The following DLGAP2 variants were observed in gnomAD, a reference collection of about 807,000 sequenced individuals.
DLGAP2 encodes disks large-associated protein 2.
A neutral mutation model predicts 100.3 loss-of-function variants in DLGAP2; 26 were observed. The observed-to-expected ratio is 0.26, with a 90% CI of 0.19 to 0.36. The LOEUF is 0.36. Ranked by LOEUF, DLGAP2 falls within the 10% of genes least tolerant of loss-of-function variation. The pLI is 1.00. For synonymous variants in DLGAP2, 886 were observed against 630.1 expected (o/e 1.41, Z -6.08); for missense variants, 1,858 against 1,453.2 (o/e 1.28, Z -4.53).
intron 2 of DLGAP2, among the ~76,000 whole-genome samples, chr8:1,199,997 G>T (rs537923970): frequency 1.6e-4 from 24 of 151,776 alleles, no homozygotes; most frequent in African/African-American, 5.8e-4. Context: ...TGCATCCCCG[G>T]GGGTCCCATC....
chr8:1,639,234 C>A (rs1456084613), intron 8 of DLGAP2, among the ~76,000 whole-genome samples: 5 of 152,168 alleles, frequency 3.3e-5, no homozygotes, highest in African/African-American at 1.2e-4. Context: ...GAGACCAGAG[C>A]CCACAGCGTC....
rs187525889 is a variant in DLGAP2, at chr8:1,467,116, A to G, written c.107-34250A>G. ...GTCCCAGATCCAGCCAGAGGGAGGG[A>G]GGGTCCGGCAGGGGCCTGGGAGGGT... On this transcript the variant is annotated intron_variant, in intron 3 of 14. Transcript: ENST00000637795. Among the ~76,000 whole-genome samples, 589 of 151,438 alleles carry G rather than the reference A, an allele frequency of 3.9e-3. 3 individuals are homozygous for G. The highest frequency in any genetic ancestry group is 0.014 in the Middle Eastern group (4 of 292).
intron 2 of DLGAP2, among the ~76,000 whole-genome samples, chr8:1,157,235 C>T (rs751593348): frequency 2.0e-5 from 3 of 152,072 alleles, no homozygotes; most frequent in Non-Finnish European, 2.9e-5. Context: ...GGAGCATTCA[C>T]GCGATTCCCC....
intron 3 of DLGAP2, among the ~76,000 whole-genome samples, chr8:1,328,787 G>A (rs750755442): frequency 1.4e-4 from 22 of 152,358 alleles, no homozygotes; most frequent in Admixed American, 2.6e-4. Context: ...ATGTCGGGAT[G>A]CCGCTTACGT....
At chr8:1,510,304 T>C (rs1449546513) in intron 4 of DLGAP2, among the ~76,000 whole-genome samples, 1 of 152,162 alleles carries the variant, frequency 6.6e-6, no homozygotes, top group African/African-American at 2.4e-5. Context: ...TCCAGGCTCA[T>C]AGGAAGTGAA....
chr8:1,008,264 A>G (rs1405284004), intron 2 of DLGAP2, among the ~76,000 whole-genome samples: 2 of 152,196 alleles, frequency 1.3e-5, no homozygotes, highest in Admixed American at 6.5e-5. Context: ...CCATTTGAAA[A>G]CTGGCTTGCC....
chr8:797,590 A>T (rs1385288155), intron 1 of DLGAP2, among the ~76,000 whole-genome samples: 1 of 152,060 alleles, frequency 6.6e-6, no homozygotes, highest in East Asian at 1.9e-4. Context: ...CTGGCCATAG[A>T]TGTCAATGTG....
intron 1 of DLGAP2, among the ~76,000 whole-genome samples, chr8:878,932 T>G (rs1427643454): frequency 6.6e-6 from 1 of 152,198 alleles, no homozygotes; most frequent in Non-Finnish European, 1.5e-5. Flanking sequence ...CCTCAGATAC[T>G]GTGTTATAGC....
chr8:778,411 G>A (rs1391282893), intron 1 of DLGAP2, among the ~76,000 whole-genome samples: 2 of 152,224 alleles, frequency 1.3e-5, no homozygotes, highest in Non-Finnish European at 1.5e-5. Flanking sequence ...CGTTGGAGGA[G>A]GAGAGGCGCT....
chr8:943,690 G>C (rs963444320), intron 2 of DLGAP2, among the ~76,000 whole-genome samples: 2 of 151,754 alleles, frequency 1.3e-5, no homozygotes, highest in Non-Finnish European at 1.5e-5. Flanking sequence ...AGATCATGTG[G>C]AGGATCTGGC....
chr8:1,548,486 C>G (rs1367244226), intron 4 of DLGAP2, 140 bp from the exon 5 acceptor site: 1 of 295,798 alleles, frequency 3.4e-6, no homozygotes, highest in Non-Finnish European at 5.9e-6. Context: ...AAAAAAAAAC[C>G]CACAAATCTG....
At chr8:1,235,123 CGTGTCTGCTTCCCT>C (rs1798618933) in intron 2 of DLGAP2, among the ~76,000 whole-genome samples, 2 of 30,682 alleles carry the variant, frequency 6.5e-5, no homozygotes, top group South Asian at 1.1e-3. Flanking sequence ...CACATGGCGT[CGTGTCTGCTTCCCT>C]CACACGTGGC....
chr8:1,061,755 G>A (rs1803090338), intron 2 of DLGAP2, among the ~76,000 whole-genome samples: 1 of 152,000 alleles, frequency 6.6e-6, no homozygotes, highest in Non-Finnish European at 1.5e-5. Flanking sequence ...CCCCGGTGAG[G>A]ACTTTCTCGG....
intron 2 of DLGAP2, among the ~76,000 whole-genome samples, chr8:1,078,784 C>G (rs1037793264): frequency 6.6e-6 from 1 of 152,138 alleles, no homozygotes; most frequent in East Asian, 1.9e-4. Context: ...TCTGAATGTA[C>G]CATAGTTTAT....
intron 8 of DLGAP2, among the ~76,000 whole-genome samples, chr8:1,652,054 G>GT (rs943512173): frequency 6.6e-6 from 1 of 152,230 alleles, no homozygotes; most frequent in Admixed American, 6.5e-5. Flanking sequence ...AATTAAGTTG[G>GT]TTTTTTTCTG....
At chr8:1,346,198 T>G (rs1563096206) in intron 3 of DLGAP2, among the ~76,000 whole-genome samples, 1 of 152,356 alleles carries the variant, frequency 6.6e-6, no homozygotes, top group East Asian at 1.9e-4. Flanking sequence ...AGAGCTGCAT[T>G]GCACTCACGG....
At chr8:797,482 A>T (rs917218103) in intron 1 of DLGAP2, among the ~76,000 whole-genome samples, 1 of 152,072 alleles carries the variant, frequency 6.6e-6, no homozygotes, top group Non-Finnish European at 1.5e-5. Flanking sequence ...TGGGAATTTG[A>T]GGCTGTTGTG....
intron 2 of DLGAP2, among the ~76,000 whole-genome samples, chr8:1,152,506 A>G (rs1370121411): frequency 6.6e-6 from 1 of 152,238 alleles, no homozygotes; most frequent in Non-Finnish European, 1.5e-5. Context: ...AGGAAAATGT[A>G]TGTTCATTCC....
At chr8:1,209,493 C>T (rs1798061172) in intron 2 of DLGAP2, among the ~76,000 whole-genome samples, 1 of 152,166 alleles carries the variant, frequency 6.6e-6, no homozygotes, top group Non-Finnish European at 1.5e-5. Context: ...ATCAGCTGTT[C>T]TGTCAATGTT....
Sources: gnomAD v4.1 joint callset for allele counts (sites outside exome capture counted in the v4.1 genomes callset) on GRCh38, gnomAD v4.1.1 for gene constraint, MANE v1.5 for transcripts, NCBI Gene and HGNC (gene_info 2026-07-23, HGNC 2026-07-21) for gene names.